OR14A16: variants seen among roughly 807,000 people sequenced by gnomAD.
OR14A16 encodes olfactory receptor 14A16.
For missense variants in OR14A16, 341 were observed against 366.5 expected, an observed-to-expected ratio of 0.93 and a Z score of 0.57; for synonymous variants, 135 against 137.6, an observed-to-expected ratio of 0.98 and a Z score of 0.13.
At chr1:247,816,709 A>G (rs888430509) in intron 2 of OR14A16, among the ~76,000 whole-genome samples, 10 of 152,242 alleles carry the variant, frequency 6.6e-5, no homozygotes, top group Admixed American at 3.3e-4. Context: ...TGCCTGGGCA[A>G]CAGAGCGAGG....
Position 247,814,693 on chromosome 1 carries a change from T to C in OR14A16, c.*107A>G. 1.8e-6 allele frequency: 1 copy of C among 543,578 alleles called. No homozygotes were observed. Among genetic ancestry groups the C allele is most frequent in the Non-Finnish European group, 2.9e-6 (1 of 343,000 alleles). 33.7% of individuals were successfully genotyped at this position (543,578 alleles called of 1,614,324 possible). On this transcript the variant is annotated 3_prime_UTR_variant, in exon 3 of 3. Transcript: ENST00000641093. The stretch of plus-strand genomic sequence containing the variant: ...TTTTCTAATAAAATAATTGCTTTCA[T>C]TTGTCTTTTTAAATTTTTACTTTTA...
Position 247,815,464 on chromosome 1 carries a change from G to A in OR14A16, c.266C>T (p.Ser89Phe). ...SIANSLIHNN[S>F]ISFLGCVSQV... Reference sequence around the variant, plus strand: ...GGAAACACAGCCAAGGAATGAAATGGAGTTGTTGTGTATCAAAGAATTGGC... The same window carrying A: ...GGAAACACAGCCAAGGAATGAAATGAAGTTGTTGTGTATCAAAGAATTGGC... The change falls in exon 3 of 3, where the codon TCC becomes TTC. Residue 89 changes from serine to phenylalanine, a missense_variant. Physicochemically the swap from Ser to Phe is radical, Grantham distance 155. Transcript: ENST00000641093. The A allele has an allele frequency of 1.2e-6, 2 of 1,614,022 alleles. No homozygotes were observed. Among genetic ancestry groups the A allele is most frequent in the Non-Finnish European group, 1.7e-6 (2 of 1,180,004 alleles).
Position 247,815,668 on chromosome 1 carries a change from A to G in OR14A16, c.62T>C (p.Met21Thr), listed in dbSNP as rs529649606. The stretch of plus-strand genomic sequence containing the variant: ...GAAGAGAATCGAATGCAAAATGCAC[A>G]TATTTTTATTGGTAGAAAACCCCAT... ...ILMGFSTNKNMCILHSILFLL... is the reference protein window; with the variant it reads ...ILMGFSTNKNTCILHSILFLL... The change falls in exon 3 of 3, where the codon ATG (methionine) becomes ACG (threonine). Residue 21 changes from methionine to threonine, a missense_variant. Coordinates refer to ENST00000641093, the MANE Select transcript of OR14A16 (RefSeq NM_001001966.2). 9.3e-6 allele frequency: 15 copies of G among 1,611,238 alleles called. No individual in the cohort carries two copies. In the South Asian group the frequency reaches 1.1e-4, roughly 12 times the overall value.
At chr1:247,822,298 G>A (rs949214688) in intron 1 of OR14A16, among the ~76,000 whole-genome samples, 9 of 112,872 alleles carry the variant, frequency 8.0e-5, no homozygotes, top group Non-Finnish European at 1.3e-4. Context: ...AATGGGGCTG[G>A]GGTGTGTGTG....
At position 247,814,726 on chromosome 1, in the gene OR14A16, G is replaced by C. The variant is rs1369680352; in HGVS notation, c.*74C>G. ...TTTAAATTTTTACTTTTAAGAATTA[G>C]AGATAAAAATGAAGAATTAATGTGT... is the stretch of plus-strand genomic sequence containing the variant. On this transcript the variant is annotated 3_prime_UTR_variant, in exon 3 of 3. Coordinates refer to ENST00000641093, the MANE Select transcript of OR14A16 (RefSeq NM_001001966.2). 1 of 686,550 alleles carries C rather than the reference G, an allele frequency of 1.5e-6. No individual in the cohort carries two copies. Among genetic ancestry groups the C allele is most frequent in the Non-Finnish European group, 2.1e-6 (1 of 465,680 alleles). 42.5% of individuals were successfully genotyped at this position (686,550 alleles called of 1,614,324 possible).
Position 247,815,510 on chromosome 1 carries a change from C to A in OR14A16, c.220G>T (p.Val74Phe), listed in dbSNP as rs1005732876. The A allele has an allele frequency of 1.2e-6, 2 of 1,613,996 alleles. No homozygotes were observed. The highest frequency in any genetic ancestry group is 1.3e-5 in the African/African-American group (1 of 75,032). ...TTGGCGATAGATTTGGGAGCCGTGACTGAAATAAGGCAGAGATCCAAGAAA... is the reference window on the plus strand; with the variant it reads ...TTGGCGATAGATTTGGGAGCCGTGAATGAAATAAGGCAGAGATCCAAGAAA... ...LSFLDLCLIS[V>F]TAPKSIANSL... Residue 74 changes from valine to phenylalanine, a missense_variant, in exon 3 of 3, where the codon GTC (valine) becomes TTC (phenylalanine). Coordinates refer to ENST00000641093, the MANE Select transcript of OR14A16 (RefSeq NM_001001966.2).
In OR14A16 at chr1:247,815,531, A is replaced by G; in HGVS notation, c.199T>C (p.Leu67=). Residue 67 remains leucine (L), a synonymous_variant, in exon 3 of 3, where the codon TTG becomes CTG. Transcript: ENST00000641093. The part of the protein sequence containing the change: ...VYFFLKNLSF[L]DLCLISVTAP... ...GTGACTGAAATAAGGCAGAGATCCA[A>G]GAAAGATAGATTCTTCAAGAAGAAA... 6 of 1,614,124 alleles carry G rather than the reference A, an allele frequency of 3.7e-6. No homozygotes were observed. The highest frequency in any genetic ancestry group is 5.1e-6 in the Non-Finnish European group (6 of 1,179,964).
intron 1 of OR14A16, among the ~76,000 whole-genome samples, chr1:247,819,442 C>G (rs1230499348): frequency 6.6e-6 from 1 of 151,998 alleles, no homozygotes; most frequent in East Asian, 1.9e-4. Context: ...AAATGGAGAG[C>G]AGGATCAGGC....
At chr1:247,818,845 A>G (rs995673573) in intron 2 of OR14A16, among the ~76,000 whole-genome samples, 2 of 152,166 alleles carry the variant, frequency 1.3e-5, no homozygotes, top group Non-Finnish European at 2.9e-5. Flanking sequence ...AATTAAAAAT[A>G]AGAGAATGGA....
chr1:247,815,308 T>C lies in OR14A16; in HGVS notation c.422A>G (p.Gln141Arg). 6.2e-7 allele frequency: 1 copy of C among 1,614,086 alleles called. No homozygotes were observed. Among genetic ancestry groups the C allele is most frequent in the Non-Finnish European group, 8.5e-7 (1 of 1,180,010 alleles). ...ATACAGCCAAGACACAGTGGCTCTT[T>C]GGACACAGGTGCTCCTGTCCATGAT... ...DVIMDRSTCVQRATVSWLYGG... is the reference protein window; with the variant it reads ...DVIMDRSTCVRRATVSWLYGG... The change falls in exon 3 of 3, where the codon CAA becomes CGA. Residue 141 changes from glutamine to arginine, a missense_variant. Coordinates refer to ENST00000641093, the MANE Select transcript of OR14A16 (RefSeq NM_001001966.2).
chr1:247,817,630 T>G (rs746068856), intron 2 of OR14A16, among the ~76,000 whole-genome samples: 3 of 152,224 alleles, frequency 2.0e-5, no homozygotes, highest in Non-Finnish European at 2.9e-5. Context: ...TTGATGATTC[T>G]GTCTGACTGA....
chr1:247,815,038 C>T lies in OR14A16; in HGVS notation c.692G>A (p.Gly231Asp). Residue 231 changes from glycine (G) to aspartate (D), a missense_variant, in exon 3 of 3, where the codon GGC becomes GAC. Physicochemically the swap from Gly to Asp is moderately conservative, Grantham distance 94 (BLOSUM62 -1). Coordinates refer to ENST00000641093, the MANE Select transcript of OR14A16 (RefSeq NM_001001966.2). ...STVKKIPSTE[G>D]QSKAYSICLP... ...GCAAATAGAGTAGGCTTTTGACTGGCCTTCTGTGGAAGGGATCTTCTTGAC... is the reference window on the plus strand; with the variant it reads ...GCAAATAGAGTAGGCTTTTGACTGGTCTTCTGTGGAAGGGATCTTCTTGAC... 2 of 1,613,576 alleles carry T rather than the reference C, an allele frequency of 1.2e-6. No individual in the cohort carries two copies. Among genetic ancestry groups the T allele is most frequent in the Middle Eastern group, 1.6e-4 (1 of 6,062 alleles).
At chr1:247,823,419 C>T (rs1662779804) in intron 1 of OR14A16, among the ~76,000 whole-genome samples, 1 of 152,120 alleles carries the variant, frequency 6.6e-6, no homozygotes, top group Non-Finnish European at 1.5e-5. Context: ...ATCCTTTGAG[C>T]CCAGGAGGTT....
intron 1 of OR14A16, among the ~76,000 whole-genome samples, chr1:247,822,439 A>C (rs537940847): frequency 6.6e-6 from 1 of 151,792 alleles, no homozygotes; most frequent in African/African-American, 2.4e-5. Context: ...CTCAGACATC[A>C]GACTCCAGAT....
At chr1:247,822,314 CGGG>C (rs371967853) in intron 1 of OR14A16, among the ~76,000 whole-genome samples, 1,160 of 16,382 alleles carry the variant, frequency 0.071, 37 homozygotes, top group Non-Finnish European at 0.08. Context: ...GTGTGTGTGG[CGGG>C]GGGGGAGGGT....
At position 247,814,772 on chromosome 1, in the gene OR14A16, A is replaced by G; in HGVS notation, c.*28T>C. On this transcript the variant is annotated 3_prime_UTR_variant, in exon 3 of 3. Transcript: ENST00000641093. ...TGTGTGTACATTATAAATGGTATCT[A>G]TTATTGAAAGAAGAAAAGCAACAGC... 2 of 1,280,862 alleles carry G rather than the reference A, an allele frequency of 1.6e-6. No individual in the cohort carries two copies. The highest frequency in any genetic ancestry group is 1.1e-6 in the Non-Finnish European group (1 of 924,580). The allele number at this position is 1,280,862 out of a possible 1,614,324, so 79.3% of individuals were successfully genotyped here. A position where few individuals can be genotyped will look rare whatever the true frequency, so the allele number is the denominator to read the frequency against.
intron 1 of OR14A16, among the ~76,000 whole-genome samples, chr1:247,822,625 T>C (rs563703658): frequency 7.0e-4 from 106 of 152,160 alleles, no homozygotes; most frequent in Non-Finnish European, 1.3e-3. Flanking sequence ...GCCTCTGTGA[T>C]TATGTGAGCC....
Position 247,815,057 on chromosome 1 carries a change from T to A in OR14A16, c.673A>T (p.Lys225Ter), listed in dbSNP as rs1662582043. ...GACTGGCCTTCTGTGGAAGGGATCT[T>A]CTTGACTGTAGAGAAGACGTGGACA... is the stretch of plus-strand genomic sequence containing the variant. ...TYVHVFSTVKKIPSTEGQSKA... is the reference protein window; with the variant it reads ...TYVHVFSTVK Residue 225 changes from lysine to a stop codon, truncating the protein, a stop_gained, in exon 3 of 3, where the codon AAG becomes TAG. Coordinates refer to ENST00000641093, the MANE Select transcript of OR14A16 (RefSeq NM_001001966.2). LOFTEE classifies it low-confidence loss of function (END_TRUNC). 1 of 1,613,754 alleles carries A rather than the reference T, an allele frequency of 6.2e-7. No individual in the cohort carries two copies. The highest frequency in any genetic ancestry group is 1.7e-5 in the Admixed American group (1 of 60,000).
At chr1:247,823,260 T>G (rs1162783265) in intron 1 of OR14A16, among the ~76,000 whole-genome samples, 2 of 152,108 alleles carry the variant, frequency 1.3e-5, no homozygotes, top group African/African-American at 4.8e-5. Flanking sequence ...GAGGCAAAGG[T>G]GGAAGGATCA....
Sources: gnomAD v4.1 joint callset for allele counts (sites outside exome capture counted in the v4.1 genomes callset) on GRCh38, gnomAD v4.1.1 for gene constraint, MANE v1.5 for transcripts, NCBI Gene and HGNC (gene_info 2026-07-23, HGNC 2026-07-21) for gene names.